The following NOS1AP variants were observed in gnomAD, a reference collection of about 807,000 sequenced individuals.
The protein encoded by NOS1AP is nitric oxide synthase 1 adaptor protein.
A neutral mutation model predicts 56.2 loss-of-function variants in NOS1AP; 21 were observed. The observed-to-expected ratio is 0.37, with a 90% confidence interval of 0.26 to 0.54. NOS1AP has a LOEUF of 0.54. NOS1AP is among the 20% of genes least tolerant of loss of function. NOS1AP has a pLI of 0.84. For missense variants in NOS1AP, 522 were observed against 657.8 expected (o/e 0.79, Z 2.26); for synonymous variants, 270 against 274.6 (o/e 0.98, Z 0.17).
At chr1:162,359,724 G>T (rs12741188) in intron 8 of NOS1AP, among the ~76,000 whole-genome samples, 29 of 151,360 alleles carry the variant, frequency 1.9e-4, no homozygotes, top group Middle Eastern at 6.8e-3. Context: ...CTACGCGGGG[G>T]GGGGCTGATT....
At chr1:162,148,190 G>C (rs1649562020) in intron 1 of NOS1AP, among the ~76,000 whole-genome samples, 1 of 152,202 alleles carries the variant, frequency 6.6e-6, no homozygotes, top group African/African-American at 2.4e-5. Flanking sequence ...GCAGAATCCA[G>C]GACTCAGGAT....
At chr1:162,355,016 T>A (rs1243209185) in intron 6 of NOS1AP, among the ~76,000 whole-genome samples, 171 bp from the exon 7 acceptor site, 2 of 152,232 alleles carry the variant, frequency 1.3e-5, no homozygotes, top group Non-Finnish European at 1.5e-5. Flanking sequence ...GAGAACATCT[T>A]ACTGGGCTGG....
rs557713929 is a variant in NOS1AP at position 162,369,383 on chromosome 1, A to G, written c.*1916A>G. 5.3e-5 allele frequency: 8 copies of G among 152,338 alleles called. No homozygotes were observed. The highest frequency in any genetic ancestry group is 1.9e-4 in the African/African-American group (8 of 41,570). 9.4% of individuals were successfully genotyped at this position (152,338 alleles called of 1,614,324 possible). On this transcript the variant is annotated 3_prime_UTR_variant, in exon 10 of 10. Coordinates refer to ENST00000361897, the MANE Select transcript of NOS1AP (RefSeq NM_014697.3). ...CAGTGTGGCTGAGCCTACCTAGCTT[A>G]TGAAATCTAACCCAGGGTTCCCTGA... is the stretch of plus-strand genomic sequence containing the variant.
At chr1:162,227,255 G>A (rs1194058170) in intron 2 of NOS1AP, among the ~76,000 whole-genome samples, 1 of 152,038 alleles carries the variant, frequency 6.6e-6, no homozygotes. Context: ...ACACATATGA[G>A]CATTTTTAGT....
At chr1:162,070,395 G>A in intron 1 of NOS1AP, 113 bp downstream of exon 1, 1 of 840,978 alleles carries the variant, frequency 1.2e-6, no homozygotes, top group South Asian at 1.4e-5. Context: ...GGCCGATTTG[G>A]GGGCCTTTCT....
chr1:162,181,246 T>C (rs137945974), intron 2 of NOS1AP, among the ~76,000 whole-genome samples: 115 of 152,354 alleles, frequency 7.5e-4, no homozygotes, highest in African/African-American at 2.6e-3. Flanking sequence ...AGGATTTGAA[T>C]ATCTTTGAAT....
intron 1 of NOS1AP, among the ~76,000 whole-genome samples, chr1:162,123,004 G>A (rs1648307517): frequency 6.6e-6 from 1 of 152,124 alleles, no homozygotes; most frequent in Admixed American, 6.5e-5. Context: ...TTCTCTTTGT[G>A]CTTAGAATCT....
At chr1:162,197,897 C>G (rs1240118450) in intron 2 of NOS1AP, among the ~76,000 whole-genome samples, 1 of 152,266 alleles carries the variant, frequency 6.6e-6, no homozygotes, top group African/African-American at 2.4e-5. Context: ...TCCCCGCTGG[C>G]CTGCTGTTCA....
intron 1 of NOS1AP, among the ~76,000 whole-genome samples, chr1:162,106,845 C>T (rs1647528467): frequency 6.6e-6 from 1 of 152,136 alleles, no homozygotes; most frequent in Admixed American, 6.5e-5. Flanking sequence ...GGGCAATTCC[C>T]AGTACAATTA....
chr1:162,301,334 A>G (rs777673796), intron 4 of NOS1AP, among the ~76,000 whole-genome samples: 2 of 152,164 alleles, frequency 1.3e-5, no homozygotes, highest in African/African-American at 2.4e-5. Context: ...AAAACCAGCT[A>G]GCCCCATGGT....
chr1:162,332,075 T>TTGTTGGCCTCTGGCTGCATCTATG (rs1656788247), intron 4 of NOS1AP, among the ~76,000 whole-genome samples: 1 of 152,222 alleles, frequency 6.6e-6, no homozygotes, highest in Non-Finnish European at 1.5e-5. Context: ...CTGCATCTAT[T>TTGTTGGCCTCTGGCTGCATCTATG]ACCTTGTTGC....
intron 4 of NOS1AP, among the ~76,000 whole-genome samples, chr1:162,316,341 G>C (rs1003482195): frequency 6.6e-6 from 1 of 152,216 alleles, no homozygotes; most frequent in Admixed American, 6.5e-5. Flanking sequence ...GTTCAGCTTT[G>C]CTCAGGAAGA....
chr1:162,115,208 G>T (rs1041868816), intron 1 of NOS1AP, among the ~76,000 whole-genome samples: 1 of 152,166 alleles, frequency 6.6e-6, no homozygotes, highest in South Asian at 2.1e-4. Flanking sequence ...AGAGGGAGAG[G>T]AAGGAAACTA....
chr1:162,176,983 A>G (rs577243524), intron 2 of NOS1AP, among the ~76,000 whole-genome samples: 4 of 152,204 alleles, frequency 2.6e-5, no homozygotes, highest in Non-Finnish European at 5.9e-5. Flanking sequence ...GCCTAGGAGA[A>G]TCTGCCTCAT....
intron 1 of NOS1AP, among the ~76,000 whole-genome samples, chr1:162,145,297 G>A (rs1558121048): frequency 6.6e-6 from 1 of 152,136 alleles, no homozygotes. Context: ...TCTCTTGATT[G>A]CAGTTGAGAG....
intron 4 of NOS1AP, among the ~76,000 whole-genome samples, chr1:162,324,276 G>T (rs537335626): frequency 6.6e-6 from 1 of 152,158 alleles, no homozygotes; most frequent in Non-Finnish European, 1.5e-5. Context: ...TAAATTGGCA[G>T]CCTGTGTAAA....
At chr1:162,305,135 AATAT>A (rs1655781661) in intron 4 of NOS1AP, among the ~76,000 whole-genome samples, 1 of 152,210 alleles carries the variant, frequency 6.6e-6, no homozygotes, top group Non-Finnish European at 1.5e-5. Flanking sequence ...TGGTGAAATA[AATAT>A]ATATAACATA....
In NOS1AP at chr1:162,154,155, G is replaced by C. The variant is rs10918776; in HGVS notation, c.106-250G>C. 0.26 allele frequency among the ~76,000 whole-genome samples: 39,627 copies of C among 151,938 alleles called. 5,741 individuals carry two copies. Among genetic ancestry groups the C allele is most frequent in the East Asian group, 0.57 (2,928 of 5,156 alleles). ...CACCCAAGGCTTTCTGGCTTGAAAG[G>C]CTGCTTGGTTAGACACAGTTCTCTA... On this transcript the variant is annotated intron_variant, in intron 1 of 9. Coordinates refer to ENST00000361897, the MANE Select transcript of NOS1AP (RefSeq NM_014697.3).
At chr1:162,300,797 A>G (rs1205140116) in intron 4 of NOS1AP, 91 bp downstream of exon 4, 2 of 1,065,002 alleles carry the variant, frequency 1.9e-6, no homozygotes, top group East Asian at 4.7e-5. Flanking sequence ...GATCCAGGCA[A>G]ATTTAAATAA....
Sources: allele counts gnomAD v4.1 joint callset (sites outside exome capture counted in the v4.1 genomes callset), GRCh38; gene constraint gnomAD v4.1.1; transcripts MANE v1.5; gene names NCBI Gene and HGNC (gene_info 2026-07-23, HGNC 2026-07-21).